Variants in USP49 observed in about 807,000 individuals in gnomAD.
USP49 encodes ubiquitin carboxyl-terminal hydrolase 49.
A neutral mutation model predicts 58.6 loss-of-function variants in USP49; 24 were observed. That is an observed-to-expected ratio of 0.41 (90% confidence interval 0.30 to 0.58). The LOEUF is 0.58. Among genes scored for constraint, USP49 ranks in the 20% least tolerant of loss-of-function variants. USP49 has a pLI of 0.30. For missense variants in USP49, 703 were observed against 866.1 expected, an observed-to-expected ratio of 0.81 and a Z score of 2.36; for synonymous variants, 408 against 365.1, an observed-to-expected ratio of 1.12 and a Z score of -1.34.
intron 3 of USP49, among the ~76,000 whole-genome samples, chr6:41,835,707 TA>T (rs1364743701): frequency 1.7e-4 from 17 of 100,116 alleles, no homozygotes; most frequent in African/African-American, 2.6e-4. Context: ...AGTGAGACTC[TA>T]AAAAAAAAAA....
At position 41,847,958 on chromosome 6, in the gene USP49, A is replaced by C. The variant is rs535459640; in HGVS notation, c.-29+23606T>G. ...AAAGGACTTCAACAAGGATAAATCTAGAGAGGATCATAAAGACACATTATA... is the reference window on the plus strand; with the variant it reads ...AAAGGACTTCAACAAGGATAAATCTCGAGAGGATCATAAAGACACATTATA... On this transcript the variant is annotated intron_variant, in intron 3 of 7. Transcript: ENST00000682992. Among the ~76,000 whole-genome samples the C allele has an allele frequency of 2.6e-5, 4 of 152,320 alleles. No individual in the cohort carries two copies. In the South Asian group the frequency reaches 8.3e-4, roughly 32 times the overall value.
chr6:41,862,430 A>G (rs966159930), intron 3 of USP49, among the ~76,000 whole-genome samples: 7 of 152,010 alleles, frequency 4.6e-5, no homozygotes, highest in Non-Finnish European at 1.0e-4. Context: ...ATATTGATCT[A>G]TTTTTTCTTT....
At chr6:41,829,400 G>T (rs1049739503) in intron 3 of USP49, among the ~76,000 whole-genome samples, 4 of 151,560 alleles carry the variant, frequency 2.6e-5, no homozygotes, top group African/African-American at 9.7e-5. Context: ...CTGCAACCTC[G>T]CCTCCCGGGT....
At chr6:41,891,695 T>C (rs192431830) in intron 2 of USP49, 99 bp downstream of exon 2, 1 of 152,318 alleles carries the variant, frequency 6.6e-6, no homozygotes, top group African/African-American at 2.4e-5. Flanking sequence ...CAGACTCTCC[T>C]GATAGAGAAA....
At chr6:41,825,440 G>GAA (rs200998432) in intron 3 of USP49, among the ~76,000 whole-genome samples, 16 of 134,378 alleles carry the variant, frequency 1.2e-4, no homozygotes, top group East Asian at 2.2e-4. Context: ...TCACTTAAAA[G>GAA]AAAAAAAAAA....
chr6:41,806,386 G>T lies in USP49; in HGVS notation c.598C>A (p.Leu200Met). 1 of 1,551,068 alleles carries T rather than the reference G, an allele frequency of 6.4e-7. No homozygotes were observed. The highest frequency in any genetic ancestry group is 8.6e-7 in the Non-Finnish European group (1 of 1,157,972). The change falls in exon 4 of 8, where the codon CTG (leucine) becomes ATG (methionine). Residue 200 changes from leucine to methionine, a missense_variant. Physicochemically the swap from Leu to Met is conservative, Grantham distance 15. Coordinates refer to ENST00000682992, the MANE Select transcript of USP49 (RefSeq NM_001286554.2). This position sits in a 1 kb window ranked among gnomAD's most constrained non-coding sequence, Gnocchi z 5.9. ...REVKRRLLEE[L>M]ASTPPRKSAR... The stretch of plus-strand genomic sequence containing the variant: ...CTCTTGCGCGGAGGGGTGCTGGCCA[G>T]CTCCTCCAGCAGCCGCCGTTTCACC...
At chr6:41,884,098 A>G (rs191592901) in intron 2 of USP49, among the ~76,000 whole-genome samples, 2 of 151,924 alleles carry the variant, frequency 1.3e-5, no homozygotes, top group Admixed American at 6.6e-5. Flanking sequence ...ATCTTGGCTC[A>G]TTGCAACCTC....
Position 41,863,953 on chromosome 6 carries a change from T to G in USP49, c.-29+7611A>C, listed in dbSNP as rs1327199152. The stretch of plus-strand genomic sequence containing the variant: ...TTGTAATTTTTTTTTTTTTTTTTGG[T>G]AGAGACAGTTTCACTGTGTCTCCCA... On this transcript the variant is annotated intron_variant, in intron 3 of 7. Transcript: ENST00000682992. Among the ~76,000 whole-genome samples, 2 of 145,042 alleles carry G rather than the reference T, an allele frequency of 1.4e-5. 1 individual carries two copies. The highest frequency in any genetic ancestry group is 3.1e-5 in the Non-Finnish European group (2 of 65,216).
intron 2 of USP49, among the ~76,000 whole-genome samples, chr6:41,880,441 C>T (rs2127362800): frequency 6.6e-6 from 1 of 152,188 alleles, no homozygotes; most frequent in South Asian, 2.1e-4. Flanking sequence ...AAAGGCCCTC[C>T]AAGCGTCCAG....
intron 3 of USP49, among the ~76,000 whole-genome samples, chr6:41,808,943 T>C (rs9471667): frequency 0.19 from 28,524 of 151,650 alleles, 3,268 homozygotes; most frequent in East Asian, 0.29. Flanking sequence ...TGAGAGAGGG[T>C]CTCTCTGTCA....
intron 3 of USP49, among the ~76,000 whole-genome samples, chr6:41,850,675 G>T (rs986429338): frequency 6.6e-6 from 1 of 150,906 alleles, no homozygotes; most frequent in Non-Finnish European, 1.5e-5. Flanking sequence ...CGCCATCTCG[G>T]TTCACTGCAA....
chr6:41,821,017 GTAAA>G (rs1773443840), intron 3 of USP49, among the ~76,000 whole-genome samples: 1 of 151,936 alleles, frequency 6.6e-6, no homozygotes, highest in Non-Finnish European at 1.5e-5. Context: ...AAATAAATAA[GTAAA>G]TAAATAAATA....
intron 3 of USP49, among the ~76,000 whole-genome samples, chr6:41,865,975 G>A (rs147930223): frequency 0.056 from 7,471 of 134,250 alleles, 360 homozygotes; most frequent in Admixed American, 0.13. Context: ...AGGATGGAGT[G>A]CAGTGGCGCG....
rs756673813 is a variant in USP49 at position 41,806,256 on chromosome 6, C to T, written c.728G>A (p.Arg243His). The change falls in exon 4 of 8, where the codon CGT becomes CAT. Residue 243 changes from arginine to histidine, a missense_variant. Physicochemically the swap from Arg to His is conservative, Grantham distance 29 (BLOSUM62 0). This residue lies in a region of USP49 where 376 missense variants were observed against 373.5 expected (regional missense o/e 1.01). Coordinates refer to ENST00000682992, the MANE Select transcript of USP49 (RefSeq NM_001286554.2). This position sits in a 1 kb window ranked among gnomAD's most constrained non-coding sequence, Gnocchi z 5.9. The part of the protein sequence containing the change: ...RRVPAATLKL[R>H]RQPAMAPGVT... Reference sequence around the variant, plus strand: ...GCCTGGGGCCATGGCCGGCTGGCGACGCAGCTTGAGTGTGGCGGCGGGCAC... The same window carrying T: ...GCCTGGGGCCATGGCCGGCTGGCGATGCAGCTTGAGTGTGGCGGCGGGCAC... 4 of 1,607,936 alleles carry T rather than the reference C, an allele frequency of 2.5e-6. No homozygotes were observed. Among genetic ancestry groups the T allele is most frequent in the Non-Finnish European group, 2.5e-6 (3 of 1,179,870 alleles).
chr6:41,827,125 A>G (rs1178022403), intron 3 of USP49, among the ~76,000 whole-genome samples: 1 of 152,200 alleles, frequency 6.6e-6, no homozygotes, highest in East Asian at 1.9e-4. Flanking sequence ...TAACAGTTCT[A>G]TTTCTCACTG....
chr6:41,884,471 A>G (rs1162235565), intron 2 of USP49, among the ~76,000 whole-genome samples: 3 of 152,234 alleles, frequency 2.0e-5, no homozygotes, highest in Non-Finnish European at 2.9e-5. Flanking sequence ...ACATACACCA[A>G]AAGAATCAGT....
At chr6:41,894,629 C>T (rs1774865196) in intron 1 of USP49, among the ~76,000 whole-genome samples, 1 of 152,002 alleles carries the variant, frequency 6.6e-6, no homozygotes, top group South Asian at 2.1e-4. Flanking sequence ...TACCCCAGCT[C>T]TGCCCCTCCT....
intron 3 of USP49, among the ~76,000 whole-genome samples, chr6:41,860,105 T>G (rs1774193872): frequency 6.6e-6 from 1 of 152,186 alleles, no homozygotes; most frequent in Admixed American, 6.5e-5. Context: ...ATATACACAC[T>G]TATTAAGTAT....
At chr6:41,796,889 T>C (rs1269232262) in intron 7 of USP49, among the ~76,000 whole-genome samples, 166 bp from the exon 8 acceptor site, 3 of 151,952 alleles carry the variant, frequency 2.0e-5, no homozygotes, top group Admixed American at 2.0e-4. Flanking sequence ...GACTTTTGTG[T>C]ATCCACTGGC....
Sources: allele counts gnomAD v4.1 joint callset (sites outside exome capture counted in the v4.1 genomes callset), GRCh38; gene constraint gnomAD v4.1.1; regional missense constraint gnomAD v4.1.1; non-coding constraint Gnocchi (gnomAD v3.1); transcripts MANE v1.5; gene names NCBI Gene and HGNC (gene_info 2026-07-23, HGNC 2026-07-21).